The following GAS2L3 variants were observed in gnomAD, a reference collection of about 807,000 sequenced individuals.
GAS2L3 encodes GAS2-like protein 3.
A neutral mutation model predicts 37.0 loss-of-function variants in GAS2L3; 28 were observed. That is an observed-to-expected ratio of 0.76 (90% CI 0.56 to 1.04). GAS2L3 has a LOEUF of 1.04. GAS2L3 is among the 50% of genes least tolerant of loss of function. The probability of loss-of-function intolerance (pLI) is 0.00; values close to 1 mark genes in which losing one functional copy is unlikely to be tolerated. For missense variants in GAS2L3, 793 were observed against 817.6 expected, an observed-to-expected ratio of 0.97 and a Z score of 0.37; for synonymous variants, 290 against 296.6, an observed-to-expected ratio of 0.98 and a Z score of 0.23.
chr12:100,623,525 T>C (rs1417358150), intron 9 of GAS2L3, 37 bp from the exon 10 acceptor site: 1 of 1,549,488 alleles, frequency 6.5e-7, no homozygotes, highest in Admixed American at 2.0e-5. Flanking sequence ...AACCTCACAG[T>C]ATTACAGCTT....
In GAS2L3 at chr12:100,616,093, A is replaced by G. The variant is rs569813891; in HGVS notation, c.446-1651A>G. On this transcript the variant is annotated intron_variant, in intron 6 of 9. Transcript: ENST00000547754. ...CAGTTGGGGGAATGTTGCTATCTTA[A>G]CAAGTTGTCTTCCAATCCATGAACA... 7.1e-4 allele frequency among the ~76,000 whole-genome samples: 108 copies of G among 152,336 alleles called. 3 individuals are homozygous for G. The highest frequency in any genetic ancestry group is 1.1e-3 in the Non-Finnish European group (76 of 68,016).
intron 5 of GAS2L3, among the ~76,000 whole-genome samples, chr12:100,610,601 A>G (rs1956115593): frequency 6.6e-6 from 1 of 152,178 alleles, no homozygotes; most frequent in Admixed American, 6.5e-5. Flanking sequence ...TTGGAAATAA[A>G]TAGTAACAGG....
In GAS2L3 at chr12:100,623,802, C is replaced by G. The variant is rs1202419651; in HGVS notation, c.997C>G (p.Pro333Ala). The G allele has an allele frequency of 6.2e-7, 1 of 1,614,012 alleles. No individual in the cohort carries two copies. ...CATGTTTCAGAAACAAAATTCAAAA[C>G]CCAGCGTGCCAGTTAGTATTCCAAA... Reference protein sequence around the residue: ...VNMFQKQNSKPSVPVSIPKSK... With the variant: ...VNMFQKQNSKASVPVSIPKSK... Residue 333 changes from proline to alanine, a missense_variant, in exon 10 of 10, where the codon CCC becomes GCC. Pro to Ala is a conservative substitution (Grantham distance 27). Coordinates refer to ENST00000547754, the MANE Select transcript of GAS2L3 (RefSeq NM_174942.3).
In GAS2L3 at chr12:100,597,699, G is replaced by A. The variant is rs563149256; in HGVS notation, c.19-2683G>A. ...TTGAGTGTATTCATTTTCTTTGTTT[G>A]CCTTGGGGTTAAAAACAAAAAAAAA... is the stretch of plus-strand genomic sequence containing the variant. On this transcript the variant is annotated intron_variant, in intron 3 of 9. Transcript: ENST00000547754. Among the ~76,000 whole-genome samples the A allele has an allele frequency of 8.6e-5, 13 of 150,598 alleles. No individual in the cohort carries two copies. In the South Asian group the frequency reaches 2.1e-3, roughly 24 times the overall value.
rs1198868022 is a variant in GAS2L3, at chr12:100,614,659, C to G, written c.445+2518C>G. 2.0e-5 allele frequency among the ~76,000 whole-genome samples: 3 copies of G among 152,306 alleles called. No individual in the cohort carries two copies. In the East Asian group the frequency reaches 5.8e-4, roughly 29 times the overall value. On this transcript the variant is annotated intron_variant, in intron 6 of 9. Transcript: ENST00000547754. Reference sequence around the variant, plus strand: ...TAATTTCAGAACATTTCTGGAAAATCTGTACCTATTAGCAATTAGTCCCAG... The same window carrying G: ...TAATTTCAGAACATTTCTGGAAAATGTGTACCTATTAGCAATTAGTCCCAG...
chr12:100,624,173 C>T lies in GAS2L3; in HGVS notation c.1368C>T (p.Pro456=), dbSNP rs200042143. 6.3e-4 allele frequency: 1,021 copies of T among 1,613,220 alleles called. 2 individuals carry two copies. Among genetic ancestry groups the T allele is most frequent in the Admixed American group, 1.2e-3 (72 of 59,886 alleles). ...VIPAQNSADL[P]ESTLLPNKCS... is the part of the protein sequence containing the mutation. ...CAGCCCAGAATTCAGCAGATCTGCC[C>T]GAGTCCACACTTTTGCCAAATAAGT... Residue 456 remains proline (P), a synonymous_variant, in exon 10 of 10, where the codon CCC becomes CCT. Transcript: ENST00000547754.
intron 1 of GAS2L3, among the ~76,000 whole-genome samples, chr12:100,583,609 C>G (rs1432615347): frequency 6.6e-6 from 1 of 152,152 alleles, no homozygotes; most frequent in Admixed American, 6.5e-5. Flanking sequence ...GTAGCTGGAA[C>G]TACAGGTGTG....
At chr12:100,602,216 A>G (rs753082180) in intron 5 of GAS2L3, among the ~76,000 whole-genome samples, 2 of 152,106 alleles carry the variant, frequency 1.3e-5, no homozygotes, top group African/African-American at 4.8e-5. Flanking sequence ...TCTTCTTTAT[A>G]TATTCTCCAT....
intron 6 of GAS2L3, among the ~76,000 whole-genome samples, chr12:100,614,520 G>A (rs373695391): frequency 2.6e-5 from 4 of 151,692 alleles, no homozygotes; most frequent in African/African-American, 7.3e-5. Flanking sequence ...GGTTTCTTTT[G>A]TAGTAGCATA....
chr12:100,603,541 C>G (rs541414435), intron 5 of GAS2L3, among the ~76,000 whole-genome samples: 13 of 152,058 alleles, frequency 8.5e-5, no homozygotes, highest in Admixed American at 2.6e-4. Context: ...CTTATTAATC[C>G]TTTGTCAGAT....
At chr12:100,581,729 A>G (rs921884990) in intron 1 of GAS2L3, among the ~76,000 whole-genome samples, 4 of 152,244 alleles carry the variant, frequency 2.6e-5, no homozygotes, top group African/African-American at 9.6e-5. Flanking sequence ...GAACTCACAT[A>G]TAAACATGAA....
intron 5 of GAS2L3, chr12:100,610,934 C>T (rs886570759): frequency 6.6e-6 from 1 of 151,340 alleles, no homozygotes; most frequent in Admixed American, 6.6e-5. Context: ...AACTCAGAAC[C>T]ATCTTTATTA....
chr12:100,623,542 T>C lies in GAS2L3; in HGVS notation c.757-20T>C, dbSNP rs1565814955. ...CCTCACAGTATTACAGCTTTACTTT[T>C]TGTTTTCCTTTGGGGGCAGATGCTT... On this transcript the variant is annotated intron_variant, in intron 9 of 9. Coordinates refer to ENST00000547754, the MANE Select transcript of GAS2L3 (RefSeq NM_174942.3). 1 of 1,569,190 alleles carries C rather than the reference T, an allele frequency of 6.4e-7. No homozygotes were observed. Among genetic ancestry groups the C allele is most frequent in the Non-Finnish European group, 8.6e-7 (1 of 1,161,404 alleles).
At chr12:100,622,778 A>AAAAAG (rs1565814560) in intron 9 of GAS2L3, among the ~76,000 whole-genome samples, 2 of 145,388 alleles carry the variant, frequency 1.4e-5, no homozygotes, top group African/African-American at 5.0e-5. Context: ...AAAAAAAAAA[A>AAAAAG]AAAAGAAAAG....
chr12:100,600,928 A>G (rs943867902), intron 4 of GAS2L3, among the ~76,000 whole-genome samples: 27 of 152,042 alleles, frequency 1.8e-4, no homozygotes, highest in African/African-American at 6.5e-4. Flanking sequence ...AGTGAAACAT[A>G]TACTGTAGGT....
At chr12:100,622,433 G>T (rs769207666) in intron 9 of GAS2L3, 51 bp downstream of exon 9, 6 of 919,012 alleles carry the variant, frequency 6.5e-6, no homozygotes, top group East Asian at 5.0e-5. Flanking sequence ...TTTTGAAATT[G>T]GATTTATTGC....
At chr12:100,611,974 TGAAA>T (rs1167871393) in intron 5 of GAS2L3, 22 bp from the exon 6 acceptor site, 1 of 1,508,458 alleles carries the variant, frequency 6.6e-7, no homozygotes. Context: ...GATACATTTT[TGAAA>T]TTATTCTTTT....
intron 6 of GAS2L3, among the ~76,000 whole-genome samples, chr12:100,613,953 A>G (rs532908807): frequency 6.6e-6 from 1 of 152,262 alleles, no homozygotes; most frequent in African/African-American, 2.4e-5. Flanking sequence ...CATATTGCAC[A>G]TGATTAGGTT....
chr12:100,583,002 C>T (rs1005504014), intron 1 of GAS2L3, among the ~76,000 whole-genome samples: 11 of 152,246 alleles, frequency 7.2e-5, no homozygotes, highest in Non-Finnish European at 1.2e-4. Context: ...ACATCACCTT[C>T]GGTGACTCTG....
Sources: allele counts gnomAD v4.1 joint callset (sites outside exome capture counted in the v4.1 genomes callset), GRCh38; gene constraint gnomAD v4.1.1; transcripts MANE v1.5; gene names NCBI Gene and HGNC (gene_info 2026-07-23, HGNC 2026-07-21).